The following KIAA0825 variants were observed in gnomAD, a reference collection of about 807,000 sequenced individuals.
KIAA0825 encodes KIAA0825, also known as uncharacterized protein KIAA0825.
Under a neutral mutation model 147.6 loss-of-function variants are expected in KIAA0825, and 119 were observed. That is an observed-to-expected ratio of 0.81 (90% CI 0.69 to 0.94). The LOEUF is 0.94. Among genes scored for constraint, KIAA0825 ranks in the 40% least tolerant of loss-of-function variants. KIAA0825 has a pLI of 0.00. For synonymous variants in KIAA0825, 470 were observed against 518.1 expected (o/e 0.91, Z 1.26); for missense variants, 1,381 against 1,472.7 (o/e 0.94, Z 1.02).
intron 20 of KIAA0825, among the ~76,000 whole-genome samples, chr5:94,164,803 C>T (rs1767889726): frequency 6.6e-6 from 1 of 151,976 alleles, no homozygotes; most frequent in Non-Finnish European, 1.5e-5. Flanking sequence ...ACTGGATATT[C>T]ATATACAGAA....
At chr5:94,225,060 T>C (rs988519622) in intron 20 of KIAA0825, among the ~76,000 whole-genome samples, 3 of 152,208 alleles carry the variant, frequency 2.0e-5, no homozygotes, top group Non-Finnish European at 2.9e-5. Context: ...TTGTCTTAAG[T>C]AATAGCCTCA....
At chr5:94,608,507 ATT>A (rs58637237) in intron 1 of KIAA0825, among the ~76,000 whole-genome samples, 2 of 33,254 alleles carry the variant, frequency 6.0e-5, no homozygotes, top group African/African-American at 2.1e-4. Flanking sequence ...ATATATATAT[ATT>A]TTTTTTTAGA....
In KIAA0825 at chr5:94,291,776, C is replaced by T. The variant is rs139579249; in HGVS notation, c.3710+92592G>A. Among the ~76,000 whole-genome samples, 317 of 152,274 alleles carry T rather than the reference C, an allele frequency of 2.1e-3. 1 individual carries two copies. The highest frequency in any genetic ancestry group is 7.5e-3 in the African/African-American group (311 of 41,558). On this transcript the variant is annotated intron_variant, in intron 20 of 20. Transcript: ENST00000682413. ...ATGTTTTTCCATTTGTTTGTATCCTCTATTATTTCCTTTAGCAGTGGTTTG... is the reference window on the plus strand; with the variant it reads ...ATGTTTTTCCATTTGTTTGTATCCTTTATTATTTCCTTTAGCAGTGGTTTG...
chr5:94,609,241 C>T (rs1022872215), intron 1 of KIAA0825, among the ~76,000 whole-genome samples: 3 of 152,116 alleles, frequency 2.0e-5, no homozygotes, highest in African/African-American at 7.2e-5. Flanking sequence ...TCACCAAAGA[C>T]TGAATGCAGG....
At chr5:94,593,505 AC>A (rs750118175) in intron 1 of KIAA0825, 1 of 638,820 alleles carries the variant, frequency 1.6e-6, no homozygotes, top group African/African-American at 1.8e-5. Flanking sequence ...ATCATTATCA[AC>A]CACTATTAGA....
rs560888552 is a variant in KIAA0825, at chr5:94,611,729, T to G, written c.-153+6771A>C. ...GGGAGGCCAAGGCAGGAGGATTGCT[T>G]CAGTACAGGAGTTTGAGACCAGGGT... On this transcript the variant is annotated intron_variant, in intron 1 of 20. Transcript: ENST00000682413. Among the ~76,000 whole-genome samples, 23 of 150,242 alleles carry G rather than the reference T, an allele frequency of 1.5e-4. No individual in the cohort carries two copies. The East Asian group carries it at 4.2e-3, about 27-fold the overall frequency.
intron 1 of KIAA0825, among the ~76,000 whole-genome samples, chr5:94,584,054 A>G (rs547846145): frequency 9.2e-5 from 14 of 152,356 alleles, no homozygotes; most frequent in South Asian, 2.1e-4. Context: ...CAAAGACCAA[A>G]GGTTGATAAA....
intron 2 of KIAA0825, chr5:94,568,377 C>T (rs1282771799): frequency 6.4e-6 from 1 of 155,126 alleles, no homozygotes; most frequent in Non-Finnish European, 1.4e-5. Context: ...CTCATCGCCA[C>T]TTCCCTAACA....
chr5:94,485,875 G>A (rs1762993660), intron 5 of KIAA0825, among the ~76,000 whole-genome samples: 1 of 151,472 alleles, frequency 6.6e-6, no homozygotes. Flanking sequence ...ATGAAGTCAT[G>A]TTTAAAAATA....
Position 94,351,965 on chromosome 5 carries a change from T to C in KIAA0825, c.3710+32403A>G, listed in dbSNP as rs867072957. ...CACATAAACCTAAGATCTGAGACTA[T>C]AAAAATTCTAGAAGATAACATTGGA... On this transcript the variant is annotated intron_variant, in intron 20 of 20. Transcript: ENST00000682413. Among the ~76,000 whole-genome samples the C allele has an allele frequency of 1.5e-4, 23 of 152,280 alleles. No individual in the cohort carries two copies. The Middle Eastern group carries it at 0.024, about 158-fold the overall frequency.
intron 20 of KIAA0825, among the ~76,000 whole-genome samples, chr5:94,336,746 G>A (rs1781847679): frequency 6.6e-6 from 1 of 152,086 alleles, no homozygotes; most frequent in Admixed American, 6.5e-5. Context: ...CTTTATAGGA[G>A]AATGATTTAT....
intron 2 of KIAA0825, among the ~76,000 whole-genome samples, chr5:94,547,229 T>G (rs944490099): frequency 6.6e-6 from 1 of 151,798 alleles, no homozygotes; most frequent in Non-Finnish European, 1.5e-5. Context: ...GAAAATAGCC[T>G]GAAAAGGGCA....
At chr5:94,293,642 CT>C (rs1267312725) in intron 20 of KIAA0825, among the ~76,000 whole-genome samples, 1 of 152,128 alleles carries the variant, frequency 6.6e-6, no homozygotes, top group Non-Finnish European at 1.5e-5. Flanking sequence ...TGGTCCAGAG[CT>C]GAGTTCAAGT....
At chr5:94,248,196 G>C (rs1158149110) in intron 20 of KIAA0825, among the ~76,000 whole-genome samples, 1 of 152,094 alleles carries the variant, frequency 6.6e-6, no homozygotes, top group Non-Finnish European at 1.5e-5. Flanking sequence ...TGATTACTTA[G>C]AACCAGCAAC....
intron 20 of KIAA0825, among the ~76,000 whole-genome samples, chr5:94,230,450 G>A (rs923971284): frequency 1.3e-5 from 2 of 152,064 alleles, no homozygotes; most frequent in African/African-American, 2.4e-5. Context: ...TCTGTTGGGC[G>A]AATCCCCCTA....
intron 20 of KIAA0825, among the ~76,000 whole-genome samples, chr5:94,316,234 TCTATACTTTTA>T (rs1779646773): frequency 6.6e-6 from 1 of 151,728 alleles, no homozygotes; most frequent in Non-Finnish European, 1.5e-5. Context: ...GTTATGAATT[TCTATACTTTTA>T]CTATTACTTT....
chr5:94,295,566 C>CT (rs1187413161), intron 20 of KIAA0825, among the ~76,000 whole-genome samples: 2 of 152,088 alleles, frequency 1.3e-5, no homozygotes, highest in Non-Finnish European at 2.9e-5. Flanking sequence ...ATTTATCTAC[C>CT]TTTTGTTTTT....
At chr5:94,259,162 A>G (rs1294441194) in intron 20 of KIAA0825, among the ~76,000 whole-genome samples, 2 of 152,046 alleles carry the variant, frequency 1.3e-5, no homozygotes, top group African/African-American at 4.8e-5. Context: ...GCAGTTACAG[A>G]ACTCATACTT....
chr5:94,300,008 C>A (rs751805363), intron 20 of KIAA0825, among the ~76,000 whole-genome samples: 4 of 151,716 alleles, frequency 2.6e-5, no homozygotes, highest in Non-Finnish European at 5.9e-5. Context: ...TCCCTCATGA[C>A]GTCTTATAAT....
Sources: gnomAD v4.1 joint callset for allele counts (sites outside exome capture counted in the v4.1 genomes callset) on GRCh38, gnomAD v4.1.1 for gene constraint, MANE v1.5 for transcripts, NCBI Gene and HGNC (gene_info 2026-07-23, HGNC 2026-07-21) for gene names.